MSR1: variants seen among roughly 807,000 people sequenced by gnomAD.
The protein encoded by MSR1 is macrophage scavenger receptor 1, also known as macrophage scavenger receptor types I and II.
In MSR1, 53 loss-of-function variants were observed where a neutral mutation model predicts 47.2. The ratio of observed to expected loss-of-function variants is 1.12; its 90% confidence interval spans 0.90 to 1.41. The LOEUF is 1.41. MSR1 is among the 40% of genes most tolerant of loss of function. The pLI is 0.00. For synonymous variants in MSR1, 239 were observed against 185.6 expected, an observed-to-expected ratio of 1.29 and a Z score of -2.34; for missense variants, 786 against 546.9, an observed-to-expected ratio of 1.44 and a Z score of -4.36.
At chr8:16,137,004 C>T (rs1250619754) in intron 8 of MSR1, among the ~76,000 whole-genome samples, 2 of 151,472 alleles carry the variant, frequency 1.3e-5, no homozygotes, top group Admixed American at 6.6e-5. Context: ...GTTCTGCTAA[C>T]TCATAACTAG....
At chr8:16,138,408 T>C (rs1800444052) in intron 8 of MSR1, among the ~76,000 whole-genome samples, 1 of 152,170 alleles carries the variant, frequency 6.6e-6, no homozygotes, top group Non-Finnish European at 1.5e-5. Flanking sequence ...TTCTCTTCAT[T>C]ATGCATTTTT....
intron 9 of MSR1, among the ~76,000 whole-genome samples, chr8:16,113,827 T>C (rs1799816374): frequency 6.6e-6 from 1 of 152,158 alleles, no homozygotes; most frequent in Non-Finnish European, 1.5e-5. Context: ...ATGTTCCATC[T>C]GGTGGAGAAA....
chr8:16,181,301 C>T (rs1801824338), intron 1 of MSR1, among the ~76,000 whole-genome samples: 1 of 152,108 alleles, frequency 6.6e-6, no homozygotes, highest in South Asian at 2.1e-4. Flanking sequence ...AACTAATTTA[C>T]ACCCCACCAA....
intron 8 of MSR1, among the ~76,000 whole-genome samples, chr8:16,135,330 C>A (rs1800364030): frequency 6.6e-6 from 1 of 151,962 alleles, no homozygotes; most frequent in Non-Finnish European, 1.5e-5. Flanking sequence ...ATTCTAGGGC[C>A]CTTATGAGTT....
rs1473017526 is a variant in MSR1 at position 16,110,145 on chromosome 8, C to A, written c.1296G>T (p.Arg432=). 1.2e-6 allele frequency: 2 copies of A among 1,613,676 alleles called. No individual in the cohort carries two copies. The highest frequency in any genetic ancestry group is 1.7e-5 in the Admixed American group (1 of 59,990). ...GTGAACAGGCTCTTGTCCCCCATTG[C>A]CGAATTTTACATTCTTCAATAGATG... is the stretch of plus-strand genomic sequence containing the variant. The part of the protein sequence containing the change: ...RESSIEECKI[R]QWGTRACSHS... The change falls in exon 10 of 10, where the codon CGG becomes CGT. Residue 432 remains arginine (R), a synonymous_variant. Coordinates refer to ENST00000262101, the MANE Select transcript of MSR1 (RefSeq NM_138715.3).
At chr8:16,123,363 T>C (rs554025555) in intron 8 of MSR1, among the ~76,000 whole-genome samples, 3 of 152,318 alleles carry the variant, frequency 2.0e-5, no homozygotes, top group South Asian at 4.1e-4. Context: ...GTTTTGGTGA[T>C]GTAGAAAAGT....
chr8:16,140,333 A>T (rs1800521287), intron 8 of MSR1: 1 of 985,272 alleles, frequency 1.0e-6, no homozygotes, highest in Admixed American at 6.2e-5. Flanking sequence ...TTTGATCAAA[A>T]ATGCTTTGGA....
At chr8:16,117,141 G>A (rs113152419) in intron 9 of MSR1, among the ~76,000 whole-genome samples, 5,499 of 152,202 alleles carry the variant, frequency 0.036, 187 homozygotes, top group East Asian at 0.12. Context: ...AGGTGAGTGA[G>A]CAAAGCTTCA....
chr8:16,114,692 T>C (rs1799836083), intron 9 of MSR1, among the ~76,000 whole-genome samples: 1 of 152,126 alleles, frequency 6.6e-6, no homozygotes, highest in African/African-American at 2.4e-5. Context: ...AGAGAACCTA[T>C]TTAAAGGAGC....
chr8:16,160,241 G>A (rs146084718), intron 5 of MSR1, among the ~76,000 whole-genome samples: 47 of 152,102 alleles, frequency 3.1e-4, no homozygotes, highest in African/African-American at 8.4e-4. Flanking sequence ...TAATTTATAC[G>A]AGGATATAAA....
intron 8 of MSR1, chr8:16,121,228 C>T (rs993489614): frequency 5.9e-5 from 23 of 387,354 alleles, no homozygotes; most frequent in African/African-American, 3.0e-4. Flanking sequence ...AAAATATTAA[C>T]GAGATAAAAA....
rs777788557 is a variant in MSR1, at chr8:16,110,128, G to C, written c.1313C>G (p.Ala438Gly). The change falls in exon 10 of 10, where the codon GCC becomes GGC. Residue 438 changes from alanine to glycine, a missense_variant. Coordinates refer to ENST00000262101, the MANE Select transcript of MSR1 (RefSeq NM_138715.3). Reference protein sequence around the residue: ...ECKIRQWGTRACSHSEDAGVT... With the variant: ...ECKIRQWGTRGCSHSEDAGVT... ...TCCAGCATCTTCAGAATGTGAACAG[G>C]CTCTTGTCCCCCATTGCCGAATTTT... 9 of 1,613,652 alleles carry C rather than the reference G, an allele frequency of 5.6e-6. No individual in the cohort carries two copies. The highest frequency in any genetic ancestry group is 1.3e-5 in the African/African-American group (1 of 75,002).
chr8:16,170,912 T>A lies in MSR1; in HGVS notation c.218-2042A>T, dbSNP rs1336094417. On this transcript the variant is annotated intron_variant, in intron 3 of 9. Transcript: ENST00000262101. ...ACACTAATTAAATAGGCATATCTAT[T>A]CCTCTAAAGTGCCTTGTACATGAGA... is the stretch of plus-strand genomic sequence containing the variant. 2.0e-5 allele frequency among the ~76,000 whole-genome samples: 3 copies of A among 152,274 alleles called. No individual in the cohort carries two copies. The East Asian group carries it at 5.8e-4, about 29-fold the overall frequency.
intron 8 of MSR1, among the ~76,000 whole-genome samples, chr8:16,129,168 T>C (rs1050355529): frequency 6.6e-6 from 1 of 152,184 alleles, no homozygotes; most frequent in African/African-American, 2.4e-5. Flanking sequence ...TTGAACTTTC[T>C]AGGAAATAAA....
chr8:16,176,266 G>A (rs1177838377), intron 2 of MSR1, among the ~76,000 whole-genome samples: 1 of 152,164 alleles, frequency 6.6e-6, no homozygotes, highest in Non-Finnish European at 1.5e-5. Context: ...CAGCACTTTG[G>A]GAGGCCAAGG....
chr8:16,140,682 G>T, intron 8 of MSR1: 1 of 1,306,898 alleles, frequency 7.7e-7, no homozygotes, highest in East Asian at 3.1e-5. Flanking sequence ...CTAGGTCAAT[G>T]GGTGGCAGAG....
intron 6 of MSR1, among the ~76,000 whole-genome samples, chr8:16,154,513 C>A (rs1800945580): frequency 6.6e-6 from 1 of 151,916 alleles, no homozygotes; most frequent in Admixed American, 6.6e-5. Context: ...TAAGTGTCAT[C>A]CATATTTTAG....
At chr8:16,180,807 C>G (rs944808375) in intron 1 of MSR1, among the ~76,000 whole-genome samples, 6 of 152,116 alleles carry the variant, frequency 3.9e-5, no homozygotes, top group African/African-American at 1.4e-4. Flanking sequence ...TTTGCAGTGA[C>G]AGTCGTTGCA....
At chr8:16,125,737 G>A (rs1359277910) in intron 8 of MSR1, among the ~76,000 whole-genome samples, 1 of 152,052 alleles carries the variant, frequency 6.6e-6, no homozygotes, top group African/African-American at 2.4e-5. Context: ...CTTCAACTCT[G>A]CTCATAACAT....
Sources: gnomAD v4.1 joint callset for allele counts (sites outside exome capture counted in the v4.1 genomes callset) on GRCh38, gnomAD v4.1.1 for gene constraint, MANE v1.5 for transcripts, NCBI Gene and HGNC (gene_info 2026-07-23, HGNC 2026-07-21) for gene names.